LITAF: variants seen among roughly 807,000 people sequenced by gnomAD.
LITAF encodes lipopolysaccharide-induced tumor necrosis factor-alpha factor.
LITAF carries 9 observed loss-of-function variants against 14.5 expected under a neutral mutation model. That is an observed-to-expected ratio of 0.62 (90% confidence interval 0.37 to 1.08). The LOEUF (loss-of-function observed/expected upper bound fraction) is 1.08. Among genes scored for constraint, LITAF ranks in the 50% least tolerant of loss-of-function variants. LITAF has a pLI of 0.01. For missense variants in LITAF, 206 were observed against 213.4 expected, an observed-to-expected ratio of 0.97 and a Z score of 0.22; for synonymous variants, 98 against 88.2, an observed-to-expected ratio of 1.11 and a Z score of -0.62.
upstream of LITAF, among the ~76,000 whole-genome samples, chr16:11,602,439 A>G (rs2064933481): frequency 6.6e-6 from 1 of 152,190 alleles, no homozygotes; most frequent in Admixed American, 6.5e-5. Context: ...AATGTTATGG[A>G]AAGCAGGCTG....
chr16:11,568,684 T>TTG (rs937348867), intron 1 of LITAF, among the ~76,000 whole-genome samples: 3 of 62,236 alleles, frequency 4.8e-5, no homozygotes, highest in African/African-American at 2.1e-4. Flanking sequence ...TTTTTTTTTG[T>TTG]TTTTTTTTTT....
At chr16:11,636,405 T>G (rs1466415250), upstream of LITAF, 1 of 152,228 alleles carries the variant, frequency 6.6e-6, no homozygotes, top group African/African-American at 2.4e-5. Flanking sequence ...CAGAAGGTTT[T>G]ACAGATGAGC....
intron 1 of LITAF, among the ~76,000 whole-genome samples, chr16:11,592,842 C>T (rs190866113): frequency 6.0e-4 from 92 of 152,140 alleles, no homozygotes; most frequent in Non-Finnish European, 9.7e-4. Context: ...TTGAGACCAT[C>T]CTGGCCTATG....
At chr16:11,587,552 A>G (rs916985486), upstream of LITAF, 1 of 415,168 alleles carries the variant, frequency 2.4e-6, no homozygotes. Flanking sequence ...GGAAGATGGT[A>G]AAGTTTTTAG....
upstream of LITAF, among the ~76,000 whole-genome samples, chr16:11,601,568 G>C (rs1035926312): frequency 5.9e-5 from 9 of 151,852 alleles, no homozygotes; most frequent in Middle Eastern, 3.2e-3. Flanking sequence ...AGCCGCTTTT[G>C]TTTATTTATT....
At chr16:11,612,738 G>A (rs952926596) in intron 3 of LITAF, among the ~76,000 whole-genome samples, 3 of 152,164 alleles carry the variant, frequency 2.0e-5, no homozygotes, top group East Asian at 1.9e-4. Flanking sequence ...ACGTCCTTGA[G>A]AAGGGCGGAG....
chr16:11,575,447 G>C (rs1219447986), intron 1 of LITAF: 1 of 152,292 alleles, frequency 6.6e-6, no homozygotes, highest in African/African-American at 2.4e-5. Context: ...GGCCAGGAAA[G>C]TGAGGTCGTG....
chr16:11,564,069 G>C (rs1250069138), intron 1 of LITAF, among the ~76,000 whole-genome samples: 1 of 151,972 alleles, frequency 6.6e-6, no homozygotes, highest in African/African-American at 2.4e-5. Context: ...ACTAAACCCA[G>C]CTAATTTTTT....
chr16:11,602,911 G>A (rs2064936224), upstream of LITAF, among the ~76,000 whole-genome samples: 1 of 152,150 alleles, frequency 6.6e-6, no homozygotes, highest in Middle Eastern at 3.4e-3. Flanking sequence ...AGGAGTCCCA[G>A]ACCAGCCTGG....
At chr16:11,616,863 G>A (rs1444675442) in intron 3 of LITAF, among the ~76,000 whole-genome samples, 1 of 144,812 alleles carries the variant, frequency 6.9e-6, no homozygotes, top group African/African-American at 2.6e-5. Flanking sequence ...AGTGAGCTGT[G>A]ACTGAGCTAC....
intron 1 of LITAF, among the ~76,000 whole-genome samples, chr16:11,574,929 A>G (rs987170896): frequency 6.6e-6 from 1 of 151,902 alleles, no homozygotes; most frequent in Non-Finnish European, 1.5e-5. Context: ...CAGCCTCCCA[A>G]ATAGCTGGGA....
intron 1 of LITAF, among the ~76,000 whole-genome samples, chr16:11,597,920 T>C (rs1053256543): frequency 2.6e-4 from 40 of 152,126 alleles, no homozygotes; most frequent in African/African-American, 9.4e-4. Context: ...TCTTTTTTCT[T>C]TGTAGAGACA....
upstream of LITAF, among the ~76,000 whole-genome samples, chr16:11,599,659 G>T (rs1026560359): frequency 1.3e-5 from 2 of 152,134 alleles, no homozygotes; most frequent in Non-Finnish European, 2.9e-5. Context: ...AGGCGGCAGA[G>T]CCCTTCCTGA....
At chr16:11,622,560 T>C (rs1473665299) in intron 3 of LITAF, among the ~76,000 whole-genome samples, 1 of 152,238 alleles carries the variant, frequency 6.6e-6, no homozygotes, top group East Asian at 1.9e-4. Context: ...AACCCCCTTC[T>C]TTCCTCTTGC....
intron 3 of LITAF, among the ~76,000 whole-genome samples, chr16:11,607,066 A>G (rs949103577): frequency 4.6e-5 from 7 of 152,198 alleles, no homozygotes; most frequent in Non-Finnish European, 7.3e-5. Context: ...TTGGGAGTAA[A>G]TCCACATCCT....
rs188440856 is a variant in LITAF at position 11,595,470 on chromosome 16, C to T, written c.-6+2918G>A. The stretch of plus-strand genomic sequence containing the variant: ...GCCGGCTGGACACGGTGGCTCAAGC[C>T]TGTAATCCCAGCACTTTGGGAGGCC... On this transcript the variant is annotated intron_variant, in intron 1 of 3. Transcript: ENST00000571627. 5.3e-5 allele frequency among the ~76,000 whole-genome samples: 8 copies of T among 152,308 alleles called. No individual in the cohort carries two copies. In the East Asian group the frequency reaches 1.5e-3, roughly 29 times the overall value.
intron 3 of LITAF, among the ~76,000 whole-genome samples, chr16:11,631,046 C>T (rs1341847995): frequency 6.6e-6 from 1 of 152,158 alleles, no homozygotes; most frequent in African/African-American, 2.4e-5. Flanking sequence ...TTGCAGAAAC[C>T]GAGGCTTAAC....
chr16:11,602,395 G>A (rs1010469027), upstream of LITAF, among the ~76,000 whole-genome samples: 2 of 152,130 alleles, frequency 1.3e-5, no homozygotes, highest in African/African-American at 4.8e-5. Context: ...CACTGTTAAG[G>A]AGGAAGGAAG....
At chr16:11,569,723 A>G (rs2141780569) in intron 1 of LITAF, among the ~76,000 whole-genome samples, 1 of 152,310 alleles carries the variant, frequency 6.6e-6, no homozygotes, top group Admixed American at 6.5e-5. Context: ...GGGAAATAAA[A>G]AGGGCTAAAA....
Sources: allele counts gnomAD v4.1 joint callset (sites outside exome capture counted in the v4.1 genomes callset), GRCh38; gene constraint gnomAD v4.1.1; transcripts MANE v1.5; gene names NCBI Gene and HGNC (gene_info 2026-07-23, HGNC 2026-07-21).